APBA2: variants seen among roughly 807,000 people sequenced by gnomAD.
APBA2 encodes the protein amyloid beta precursor protein binding family A member 2.
A neutral mutation model predicts 75.0 loss-of-function variants in APBA2; 30 were observed. The ratio of observed to expected loss-of-function variants is 0.40; its 90% CI spans 0.30 to 0.54. The LOEUF (loss-of-function observed/expected upper bound fraction) is 0.54, where lower values mean the gene tolerates loss of function less well. Among genes scored for constraint, APBA2 ranks in the 20% least tolerant of loss-of-function variants. The pLI, the probability that APBA2 is intolerant of heterozygous loss-of-function variation, is 0.49. For synonymous variants in APBA2, 444 were observed against 409.6 expected, an observed-to-expected ratio of 1.08 and a Z score of -1.01; for missense variants, 801 against 1,016.1, an observed-to-expected ratio of 0.79 and a Z score of 2.88.
intron 3 of APBA2, among the ~76,000 whole-genome samples, chr15:29,016,175 T>C (rs2039653556): frequency 6.6e-6 from 1 of 152,122 alleles, no homozygotes; most frequent in Non-Finnish European, 1.5e-5. Context: ...GAGAATCACA[T>C]GAACCAGGGA....
chr15:28,925,534 C>T (rs957011504), intron 2 of APBA2, among the ~76,000 whole-genome samples: 1 of 152,130 alleles, frequency 6.6e-6, no homozygotes, highest in Non-Finnish European at 1.5e-5. Context: ...AGTCTGAGAA[C>T]ATATTTTTAT....
At chr15:29,088,576 G>A (rs997886707) in intron 6 of APBA2, among the ~76,000 whole-genome samples, 1 of 152,124 alleles carries the variant, frequency 6.6e-6, no homozygotes, top group African/African-American at 2.4e-5. Context: ...CCCATCTGTT[G>A]CTGTCTCTCC....
At chr15:29,049,160 C>T (rs1201875342) in intron 3 of APBA2, among the ~76,000 whole-genome samples, 1 of 152,064 alleles carries the variant, frequency 6.6e-6, no homozygotes, top group Non-Finnish European at 1.5e-5. Flanking sequence ...ATTGGAATCA[C>T]CTGGGAAACT....
chr15:28,932,677 A>G (rs2034625545), intron 2 of APBA2, among the ~76,000 whole-genome samples: 1 of 152,140 alleles, frequency 6.6e-6, no homozygotes, highest in African/African-American at 2.4e-5. Context: ...GCCTATTGTG[A>G]TAGTGGATTG....
In APBA2 at chr15:28,931,973, A is replaced by G. The variant is rs1375147728; in HGVS notation, c.-95+10224A>G. Among the ~76,000 whole-genome samples the G allele has an allele frequency of 2.6e-5, 4 of 152,286 alleles. No homozygotes were observed. In the East Asian group the frequency reaches 7.7e-4, roughly 29 times the overall value. ...GCATCCAGGACAGGATCTACAGCAC[A>G]CAGCCCTCCCAACTGGGTCTGGGCA... On this transcript the variant is annotated intron_variant, in intron 2 of 14. Coordinates refer to ENST00000683413, the MANE Select transcript of APBA2 (RefSeq NM_001353788.2).
chr15:29,077,415 G>A (rs1185543043), intron 6 of APBA2, among the ~76,000 whole-genome samples: 1 of 152,224 alleles, frequency 6.6e-6, no homozygotes, highest in African/African-American at 2.4e-5. Flanking sequence ...AAGCTCACTT[G>A]TCAGTGTATC....
At chr15:28,996,552 GTCT>G (rs2152794354) in intron 3 of APBA2, among the ~76,000 whole-genome samples, 1 of 152,320 alleles carries the variant, frequency 6.6e-6, no homozygotes, top group Admixed American at 6.5e-5. Flanking sequence ...TGAATTGGCT[GTCT>G]TCTTCTGTGG....
intron 13 of APBA2, among the ~76,000 whole-genome samples, chr15:29,113,450 C>T (rs80257703): frequency 3.3e-5 from 5 of 152,150 alleles, no homozygotes; most frequent in Admixed American, 2.6e-4. Context: ...AGATGCCCCA[C>T]CTTTCTGGTG....
chr15:28,944,662 A>T (rs905403168), intron 2 of APBA2, among the ~76,000 whole-genome samples: 1 of 152,212 alleles, frequency 6.6e-6, no homozygotes, highest in African/African-American at 2.4e-5. Context: ...AACCAAGGCG[A>T]TGTTGAGAAA....
intron 6 of APBA2, among the ~76,000 whole-genome samples, chr15:29,080,353 A>T (rs1221140098): frequency 1.2e-4 from 18 of 152,154 alleles, no homozygotes; most frequent in Admixed American, 9.8e-4. Flanking sequence ...GGTGAGGAAG[A>T]ACCTTCACTT....
chr15:29,029,953 G>A (rs970431853), intron 3 of APBA2, among the ~76,000 whole-genome samples: 3 of 152,180 alleles, frequency 2.0e-5, no homozygotes, highest in East Asian at 1.9e-4. Flanking sequence ...TCCAGACCAC[G>A]CGGGCTACAT....
chr15:28,945,136 G>A (rs1044072504), intron 2 of APBA2, among the ~76,000 whole-genome samples: 5 of 152,206 alleles, frequency 3.3e-5, no homozygotes, highest in African/African-American at 9.6e-5. Context: ...ACAGCCAGCC[G>A]CGGCGTCACT....
chr15:29,117,143 G>T lies in APBA2; in HGVS notation c.*10G>T. On this transcript the variant is annotated 3_prime_UTR_variant, in exon 15 of 15. Transcript: ENST00000683413. ...CCCGCTGTACATCTAGGCCACCCCA[G>T]CCTGGCCACGCAGCCAGGACACCGG... The T allele has an allele frequency of 6.2e-7, 1 of 1,612,736 alleles. No homozygotes were observed. Among genetic ancestry groups the T allele is most frequent in the South Asian group, 1.1e-5 (1 of 91,014 alleles).
At chr15:28,974,619 A>G (rs1316382693) in intron 2 of APBA2, among the ~76,000 whole-genome samples, 3 of 152,248 alleles carry the variant, frequency 2.0e-5, no homozygotes, top group Admixed American at 2.0e-4. Context: ...ACTAAAAATT[A>G]ATCATAAGAT....
intron 3 of APBA2, among the ~76,000 whole-genome samples, chr15:29,023,264 G>C (rs946826208): frequency 3.3e-5 from 5 of 152,026 alleles, no homozygotes; most frequent in Admixed American, 2.0e-4. Flanking sequence ...TCCTAATCTT[G>C]TCCCTAAATT....
chr15:28,953,809 C>T (rs28493179), intron 2 of APBA2, among the ~76,000 whole-genome samples: 5,064 of 152,212 alleles, frequency 0.033, 301 homozygotes, highest in African/African-American at 0.12. Context: ...AGTGTCCCTG[C>T]GGTCAGTCCA....
intron 1 of APBA2, among the ~76,000 whole-genome samples, chr15:28,898,892 G>C (rs1045073510): frequency 3.3e-5 from 5 of 152,232 alleles, no homozygotes; most frequent in African/African-American, 1.2e-4. Flanking sequence ...TTCTAAGTGA[G>C]ATCAGGGTAT....
intron 2 of APBA2, among the ~76,000 whole-genome samples, chr15:28,987,123 C>T (rs1277963838): frequency 6.6e-6 from 1 of 152,166 alleles, no homozygotes; most frequent in Non-Finnish European, 1.5e-5. Context: ...TGGAGAAGGG[C>T]AGGCACAAAC....
At chr15:29,027,229 C>A (rs1484379407) in intron 3 of APBA2, among the ~76,000 whole-genome samples, 1 of 152,160 alleles carries the variant, frequency 6.6e-6, no homozygotes, top group Non-Finnish European at 1.5e-5. Flanking sequence ...TCATGGTAAT[C>A]TATTCCTTGA....
Sources: gnomAD v4.1 joint callset for allele counts (sites outside exome capture counted in the v4.1 genomes callset) on GRCh38, gnomAD v4.1.1 for gene constraint, MANE v1.5 for transcripts, NCBI Gene and HGNC (gene_info 2026-07-23, HGNC 2026-07-21) for gene names.